The following NASP variants were observed in gnomAD, a reference collection of about 807,000 sequenced individuals.
NASP encodes nuclear autoantigenic sperm protein, also known as NASP histone chaperone.
A neutral mutation model predicts 89.5 loss-of-function variants in NASP; 24 were observed. That is an observed-to-expected ratio of 0.27 (90% confidence interval 0.19 to 0.38). The LOEUF (loss-of-function observed/expected upper bound fraction) is 0.38. Ranked by LOEUF, NASP falls within the 10% of genes least tolerant of loss-of-function variation. The pLI is 1.00. For synonymous variants in NASP, 306 were observed against 324.7 expected (o/e 0.94, Z 0.62); for missense variants, 848 against 921.4 (o/e 0.92, Z 1.03).
chr1:45,614,221 G>A, intron 8 of NASP, 40 bp downstream of exon 8: 1 of 1,596,502 alleles, frequency 6.3e-7, no homozygotes, highest in Non-Finnish European at 8.6e-7. Flanking sequence ...TTGGGAGTTT[G>A]GTGGTTAAAT....
intron 2 of NASP, among the ~76,000 whole-genome samples, chr1:45,594,068 G>A (rs1643624507): frequency 6.6e-6 from 1 of 151,772 alleles, no homozygotes; most frequent in African/African-American, 2.4e-5. Flanking sequence ...GCTAGGCGCG[G>A]TGGCTCACGC....
intron 6 of NASP, chr1:45,610,642 G>GCT (rs1643991423): frequency 6.6e-6 from 1 of 152,208 alleles, no homozygotes; most frequent in South Asian, 2.1e-4. Flanking sequence ...CTTTTGCCAG[G>GCT]CTGGAGTACA....
Position 45,584,072 on chromosome 1 carries a change from G to A in NASP, c.-75G>A. On this transcript the variant is annotated 5_prime_UTR_variant, in exon 1 of 15. Coordinates refer to ENST00000350030, the MANE Select transcript of NASP (RefSeq NM_002482.4). ...TCTGCCATTTTCTGTCCCTGAGTGA[G>A]TCTCTGGCGTCCCAAATTGCCTGTT... 2.1e-6 allele frequency: 3 copies of A among 1,402,990 alleles called. No homozygotes were observed. The highest frequency in any genetic ancestry group is 3.0e-6 in the Non-Finnish European group (3 of 1,015,286). 86.9% of individuals were successfully genotyped at this position (1,402,990 alleles called of 1,614,324 possible). A position where few individuals can be genotyped will look rare whatever the true frequency, so the allele number is the denominator to read the frequency against.
rs1643658891 is a variant in NASP, at chr1:45,595,129, T to TGTGTG, written c.107+3859_107+3860insGTGTG. Reference sequence around the variant, plus strand: ...CTGCCTCAGCCTGCCAGACTAAGTTTTGTGTGTGTGTGTGTGTGTGTGTGT... The same window carrying TGTGTG: ...CTGCCTCAGCCTGCCAGACTAAGTTTGTGTGTGTGTGTGTGTGTGTGTGTGTGTGT... On this transcript the variant is annotated intron_variant, in intron 2 of 14. Transcript: ENST00000350030. Among the ~76,000 whole-genome samples the TGTGTG allele has an allele frequency of 8.9e-4, 100 of 111,866 alleles. 1 individual carries two copies. Among genetic ancestry groups the TGTGTG allele is most frequent in the East Asian group, 7.9e-3 (29 of 3,670 alleles). 73.4% of individuals were successfully genotyped at this position (111,866 alleles called of 152,430 possible).
At chr1:45,615,273 TG>T (rs1485933872) in intron 10 of NASP, 31 bp from the exon 11 acceptor site, 1 of 1,611,518 alleles carries the variant, frequency 6.2e-7, no homozygotes, top group African/African-American at 1.3e-5. Flanking sequence ...AGTTCTTTTT[TG>T]AGCCATTACT....
chr1:45,602,133 C>A, intron 2 of NASP, 122 bp from the exon 3 acceptor site: 2 of 1,176,642 alleles, frequency 1.7e-6, no homozygotes, highest in South Asian at 1.8e-5. Flanking sequence ...AGTGTGTTAG[C>A]CAGGCCTTGC....
At chr1:45,598,445 A>G (rs1452315731) in intron 2 of NASP, among the ~76,000 whole-genome samples, 1 of 152,050 alleles carries the variant, frequency 6.6e-6, no homozygotes, top group African/African-American at 2.4e-5. Flanking sequence ...TTCACTGGCT[A>G]TTCCCCTCAA....
At chr1:45,595,876 CA>C (rs1244380190) in intron 2 of NASP, among the ~76,000 whole-genome samples, 2 of 152,194 alleles carry the variant, frequency 1.3e-5, no homozygotes, top group Admixed American at 6.5e-5. Context: ...AAGTGGCTAC[CA>C]TGGTTTTCTT....
At chr1:45,598,114 C>G (rs1281247089) in intron 2 of NASP, among the ~76,000 whole-genome samples, 1 of 151,744 alleles carries the variant, frequency 6.6e-6, no homozygotes, top group Non-Finnish European at 1.5e-5. Context: ...GTAGTCATTT[C>G]TCAGCTCTCT....
chr1:45,584,889 G>T (rs11579176), intron 1 of NASP, among the ~76,000 whole-genome samples: 27,570 of 152,198 alleles, frequency 0.18, 2,910 homozygotes, highest in Non-Finnish European at 0.24. Flanking sequence ...CTGGGAGATA[G>T]TTATCGCTCC....
At chr1:45,584,526 C>T (rs1181351116) in intron 1 of NASP, among the ~76,000 whole-genome samples, 1 of 152,244 alleles carries the variant, frequency 6.6e-6, no homozygotes, top group Non-Finnish European at 1.5e-5. Context: ...GAGGCGGGGC[C>T]CTGGCGCGCG....
chr1:45,604,802 C>T lies in NASP; in HGVS notation c.219-134C>T, dbSNP rs1643888606. 1.5e-5 allele frequency: 10 copies of T among 651,750 alleles called. 1 individual carries two copies. The South Asian group carries it at 1.8e-4, about 12-fold the overall frequency. 40.4% of individuals were successfully genotyped at this position (651,750 alleles called of 1,614,324 possible). ...CATGCATTGTTTAATGTCACTTTGACCTTGAAAGCAAGAGGGGTATTGGTT... is the reference window on the plus strand; with the variant it reads ...CATGCATTGTTTAATGTCACTTTGATCTTGAAAGCAAGAGGGGTATTGGTT... On this transcript the variant is annotated intron_variant, in intron 3 of 14. Transcript: ENST00000350030.
intron 3 of NASP, among the ~76,000 whole-genome samples, chr1:45,602,990 G>A (rs1275250109): frequency 6.6e-6 from 1 of 152,136 alleles, no homozygotes; most frequent in East Asian, 1.9e-4. Context: ...TTAGGTCCAA[G>A]CAAGTCATGA....
rs766619666 is a variant in NASP, at chr1:45,608,322, A to T, written c.1411A>T (p.Met471Leu). 6.2e-7 allele frequency: 1 copy of T among 1,608,786 alleles called. No individual in the cohort carries two copies. The highest frequency in any genetic ancestry group is 8.5e-7 in the Non-Finnish European group (1 of 1,177,220). ...NEETQEREEQMKEGEETEGSE... is the reference protein window; with the variant it reads ...NEETQEREEQLKEGEETEGSE... ...AGAGACACAAGAGAGAGAAGAACAG[A>T]TGAAAGAGGGTGAAGGTAACCGGGA... Residue 471 changes from methionine to leucine, a missense_variant, in exon 6 of 15, where the codon ATG (methionine) becomes TTG (leucine). This residue lies in a region of NASP where 464 missense variants were observed against 469.4 expected (regional missense o/e 0.99). Coordinates refer to ENST00000350030, the MANE Select transcript of NASP (RefSeq NM_002482.4).
At chr1:45,599,951 G>GTTTTTTTTT (rs1375366938) in intron 2 of NASP, among the ~76,000 whole-genome samples, 30 of 101,932 alleles carry the variant, frequency 2.9e-4, no homozygotes, top group African/African-American at 1.2e-3. Flanking sequence ...CTTTTCCTCT[G>GTTTTTTTTT]TATTTTTTTT....
intron 3 of NASP, among the ~76,000 whole-genome samples, chr1:45,604,360 A>AT (rs1361841227): frequency 1.3e-5 from 2 of 152,228 alleles, no homozygotes; most frequent in Non-Finnish European, 2.9e-5. Flanking sequence ...TTGTCTAAAC[A>AT]TTGTTTTCAG....
intron 1 of NASP, among the ~76,000 whole-genome samples, chr1:45,586,291 GTGTGTGTGT>G (rs1557646624): frequency 4.1e-5 from 4 of 98,266 alleles, no homozygotes; most frequent in African/African-American, 9.0e-5. Context: ...TGTGGTGTGT[GTGTGTGTGT>G]GTGTGTGTGG....
chr1:45,594,571 C>T (rs1643641922), intron 2 of NASP: 1 of 363,846 alleles, frequency 2.7e-6, no homozygotes, highest in South Asian at 1.9e-5. Flanking sequence ...GTGGAGCGAT[C>T]GTGGCTCACT....
At chr1:45,585,855 T>C (rs1439925909) in intron 1 of NASP, among the ~76,000 whole-genome samples, 1 of 152,148 alleles carries the variant, frequency 6.6e-6, no homozygotes, top group Non-Finnish European at 1.5e-5. Flanking sequence ...CCCAGGTTGG[T>C]CTCAGACTCT....
Sources: allele counts gnomAD v4.1 joint callset (sites outside exome capture counted in the v4.1 genomes callset), GRCh38; gene constraint gnomAD v4.1.1; regional missense constraint gnomAD v4.1.1; transcripts MANE v1.5; gene names NCBI Gene and HGNC (gene_info 2026-07-23, HGNC 2026-07-21).